The following FRMD4A variants were observed in gnomAD, a reference collection of about 807,000 sequenced individuals.
FRMD4A encodes FERM domain containing 4A.
Under a neutral mutation model 129.1 loss-of-function variants are expected in FRMD4A, and 29 were observed. The observed-to-expected ratio is 0.22, with a 90% CI of 0.17 to 0.31. FRMD4A has a LOEUF of 0.31. Among genes scored for constraint, FRMD4A ranks in the 10% least tolerant of loss-of-function variants. The pLI is 1.00. For synonymous variants in FRMD4A, 634 were observed against 571.6 expected (o/e 1.11, Z -1.56); for missense variants, 1,272 against 1,375.8 (o/e 0.92, Z 1.19).
intron 3 of FRMD4A, among the ~76,000 whole-genome samples, chr10:13,835,214 C>T (rs1211976250): frequency 6.6e-6 from 1 of 152,180 alleles, no homozygotes; most frequent in African/African-American, 2.4e-5. Context: ...ACCTCAGCAA[C>T]CTACTTAACT....
At chr10:14,322,095 C>T (rs1167632649) in intron 2 of FRMD4A, among the ~76,000 whole-genome samples, 1 of 152,122 alleles carries the variant, frequency 6.6e-6, no homozygotes, top group Non-Finnish European at 1.5e-5. Flanking sequence ...AACCTCTTTT[C>T]TTTATAAATT....
At chr10:14,111,632 T>C (rs550197867) in intron 2 of FRMD4A, among the ~76,000 whole-genome samples, 3 of 152,160 alleles carry the variant, frequency 2.0e-5, no homozygotes, top group Non-Finnish European at 2.9e-5. Context: ...AATGAATTCA[T>C]ACATATAAGA....
At chr10:14,102,992 G>A (rs911471359) in intron 2 of FRMD4A, among the ~76,000 whole-genome samples, 3 of 152,166 alleles carry the variant, frequency 2.0e-5, no homozygotes, top group African/African-American at 7.2e-5. Flanking sequence ...TTATTTTCCT[G>A]GAATTGAAAA....
intron 14 of FRMD4A, among the ~76,000 whole-genome samples, chr10:13,699,789 C>T (rs1296168468): frequency 6.6e-6 from 1 of 152,132 alleles, no homozygotes; most frequent in Non-Finnish European, 1.5e-5. Flanking sequence ...AACCCTGACA[C>T]CCACCCACTG....
chr10:13,666,127 G>C lies in FRMD4A; in HGVS notation c.1573C>G (p.Pro525Ala), dbSNP rs369924215. Residue 525 changes from proline to alanine, a missense_variant, in exon 18 of 25, where the codon CCC becomes GCC. By Grantham distance (27) the Pro-to-Ala change is conservative (BLOSUM62 -1). Coordinates refer to ENST00000357447, the MANE Select transcript of FRMD4A (RefSeq NM_018027.5). ...NENRIKSGKK[P>A]TQRASLIIDD... ...ATGATCAGCGAAGCCCTCTGGGTGG[G>C]TTTCTTCCCAGACTTGATGCGGTTC... 10 of 1,611,804 alleles carry C rather than the reference G, an allele frequency of 6.2e-6. No individual in the cohort carries two copies. In the African/African-American group the frequency reaches 1.3e-4, roughly 21 times the overall value.
intron 3 of FRMD4A, among the ~76,000 whole-genome samples, chr10:13,826,180 T>C (rs56184615): frequency 0.11 from 16,049 of 152,244 alleles, 1,257 homozygotes; most frequent in East Asian, 0.31. Flanking sequence ...CCCCCTTTCT[T>C]CTTAATCAGT....
chr10:13,812,110 T>A (rs1008001120), intron 3 of FRMD4A, among the ~76,000 whole-genome samples: 2 of 152,108 alleles, frequency 1.3e-5, no homozygotes, highest in African/African-American at 4.8e-5. Flanking sequence ...CTCGATCTCT[T>A]GACCTCGTGA....
intron 2 of FRMD4A, among the ~76,000 whole-genome samples, chr10:14,321,636 G>A (rs1336045299): frequency 2.0e-5 from 3 of 152,112 alleles, no homozygotes; most frequent in East Asian, 1.9e-4. Context: ...AGGTACAACT[G>A]GAGAATTTTA....
intron 2 of FRMD4A, among the ~76,000 whole-genome samples, chr10:14,237,215 G>A (rs570356343): frequency 6.6e-6 from 1 of 152,074 alleles, no homozygotes. Flanking sequence ...GGTAAGCCAA[G>A]ACTCTAGAAT....
At chr10:13,799,062 C>G (rs2093193138) in intron 4 of FRMD4A, among the ~76,000 whole-genome samples, 1 of 152,224 alleles carries the variant, frequency 6.6e-6, no homozygotes, top group African/African-American at 2.4e-5. Flanking sequence ...CTCCTCCGAC[C>G]CTTACAGCAC....
chr10:14,066,968 C>T (rs577468883), intron 2 of FRMD4A, among the ~76,000 whole-genome samples: 1 of 152,270 alleles, frequency 6.6e-6, no homozygotes, highest in South Asian at 2.1e-4. Flanking sequence ...AAGAAACAAA[C>T]TCTTTCATGA....
chr10:13,796,690 A>C (rs2093126464), intron 4 of FRMD4A, 102 bp from the exon 5 acceptor site: 1 of 668,300 alleles, frequency 1.5e-6, no homozygotes, highest in Non-Finnish European at 2.7e-6. Context: ...TCGTAGATAA[A>C]TTTGAACCTT....
intron 3 of FRMD4A, among the ~76,000 whole-genome samples, chr10:13,819,927 T>A (rs2093604569): frequency 6.6e-6 from 1 of 152,214 alleles, no homozygotes; most frequent in African/African-American, 2.4e-5. Context: ...TTTCAACATG[T>A]TGGCCAGGCT....
chr10:13,948,428 A>T (rs2095348170), intron 2 of FRMD4A, among the ~76,000 whole-genome samples: 1 of 152,082 alleles, frequency 6.6e-6, no homozygotes, highest in Admixed American at 6.6e-5. Context: ...TTTGGCCCTA[A>T]AATAGGCAAT....
intron 12 of FRMD4A, among the ~76,000 whole-genome samples, chr10:13,712,270 C>T (rs1418010704): frequency 2.0e-5 from 3 of 152,126 alleles, no homozygotes; most frequent in Non-Finnish European, 4.4e-5. Context: ...GCTTGTAATC[C>T]CAACACTTTG....
At chr10:13,926,206 G>A (rs942948927) in intron 2 of FRMD4A, among the ~76,000 whole-genome samples, 6 of 152,166 alleles carry the variant, frequency 3.9e-5, no homozygotes, top group African/African-American at 1.4e-4. Flanking sequence ...GCTGTGTATT[G>A]GAAAACATTT....
At chr10:14,253,515 C>T (rs1298084412) in intron 2 of FRMD4A, among the ~76,000 whole-genome samples, 2 of 152,206 alleles carry the variant, frequency 1.3e-5, no homozygotes, top group African/African-American at 2.4e-5. Flanking sequence ...TTCTTTATCA[C>T]TGTCCTGGAC....
chr10:14,010,102 G>A (rs1368119615), intron 2 of FRMD4A, among the ~76,000 whole-genome samples: 1 of 147,892 alleles, frequency 6.8e-6, no homozygotes, highest in Non-Finnish European at 1.5e-5. Context: ...CATTCTTCCA[G>A]CTCAGTTTTG....
intron 12 of FRMD4A, among the ~76,000 whole-genome samples, chr10:13,713,734 C>T (rs951364509): frequency 2.0e-5 from 3 of 147,452 alleles, no homozygotes; most frequent in South Asian, 4.2e-4. Flanking sequence ...GGAGCACAGC[C>T]GGTTCTAAGG....
Sources: gnomAD v4.1 joint callset for allele counts (sites outside exome capture counted in the v4.1 genomes callset) on GRCh38, gnomAD v4.1.1 for gene constraint, MANE v1.5 for transcripts, NCBI Gene and HGNC (gene_info 2026-07-23, HGNC 2026-07-21) for gene names.